HPGDS: variants seen among roughly 807,000 people sequenced by gnomAD.
HPGDS encodes the protein GST class-sigma.
Under a neutral mutation model 23.1 loss-of-function variants are expected in HPGDS, and 26 were observed. The observed-to-expected ratio is 1.13, with a 90% CI of 0.83 to 1.56. The LOEUF (loss-of-function observed/expected upper bound fraction) is 1.56. Ranked by LOEUF, HPGDS falls within the 40% of genes most tolerant of loss-of-function variation. The pLI, the probability that HPGDS is intolerant of heterozygous loss-of-function variation, is 0.00. For missense variants in HPGDS, 268 were observed against 236.4 expected (o/e 1.13, Z -0.88); for synonymous variants, 95 against 77.9 (o/e 1.22, Z -1.16).
intron 2 of HPGDS, among the ~76,000 whole-genome samples, chr4:94,326,474 C>A (rs184768155): frequency 1.6e-3 from 246 of 151,664 alleles, no homozygotes; most frequent in African/African-American, 5.8e-3. Context: ...TTCAGAAATT[C>A]TTCGCTTGAC....
intron 2 of HPGDS, among the ~76,000 whole-genome samples, chr4:94,320,812 G>T (rs1756492969): frequency 6.6e-6 from 1 of 152,138 alleles, no homozygotes; most frequent in African/African-American, 2.4e-5. Context: ...ATTGCTTTTG[G>T]TGTTTTAGTC....
In HPGDS at chr4:94,313,144, G is replaced by A. The variant is rs535701972; in HGVS notation, c.227-4401C>T. 3.4e-3 allele frequency among the ~76,000 whole-genome samples: 514 copies of A among 152,192 alleles called. 5 individuals carry two copies. The highest frequency in any genetic ancestry group is 0.012 in the African/African-American group (493 of 41,528). On this transcript the variant is annotated intron_variant, in intron 3 of 5. Transcript: ENST00000295256. Reference sequence around the variant, plus strand: ...AGCATTTAGGCCATTTACATTTAAGGTTAATATTGTTATGTGTGAATTTGA... The same window carrying A: ...AGCATTTAGGCCATTTACATTTAAGATTAATATTGTTATGTGTGAATTTGA...
chr4:94,339,932 C>G (rs1721103687), intron 1 of HPGDS, among the ~76,000 whole-genome samples: 1 of 152,086 alleles, frequency 6.6e-6, no homozygotes, highest in Non-Finnish European at 1.5e-5. Context: ...TCTGTCTTGC[C>G]TGCTGCCATG....
intron 4 of HPGDS, among the ~76,000 whole-genome samples, chr4:94,307,268 A>G (rs550452441): frequency 1.3e-5 from 2 of 152,050 alleles, no homozygotes; most frequent in Admixed American, 1.3e-4. Context: ...GTTCCACAAA[A>G]GCAAGGAAAG....
At chr4:94,303,251 C>T (rs2126034737) in intron 4 of HPGDS, among the ~76,000 whole-genome samples, 1 of 152,190 alleles carries the variant, frequency 6.6e-6, no homozygotes, top group Non-Finnish European at 1.5e-5. Flanking sequence ...GGTTGAGCCT[C>T]CCTAGTCCAA....
intron 1 of HPGDS, among the ~76,000 whole-genome samples, chr4:94,339,980 C>A (rs1223971907): frequency 6.6e-6 from 1 of 152,146 alleles, no homozygotes; most frequent in Non-Finnish European, 1.5e-5. Context: ...ATGGTGAGGT[C>A]TCCCCAGCCA....
intron 2 of HPGDS, among the ~76,000 whole-genome samples, chr4:94,323,986 C>T (rs370759027): frequency 3.9e-5 from 6 of 152,268 alleles, no homozygotes; most frequent in African/African-American, 1.4e-4. Context: ...ATTTGCTTCT[C>T]TGTGAAGGAT....
rs530441180 is a variant in HPGDS, at chr4:94,338,222, G to C, written c.-9-3584C>G. ...GCAGATCACTTGAGGTCAGGAGTTT[G>C]AGACCAGCCTGGCCAACATGGTGAA... On this transcript the variant is annotated intron_variant, in intron 1 of 5. Transcript: ENST00000295256. Among the ~76,000 whole-genome samples, 3 of 152,242 alleles carry C rather than the reference G, an allele frequency of 2.0e-5. No individual in the cohort carries two copies. In the South Asian group the frequency reaches 6.2e-4, roughly 32 times the overall value.
chr4:94,321,080 T>TTACC (rs1379739033), intron 2 of HPGDS, among the ~76,000 whole-genome samples: 1 of 152,084 alleles, frequency 6.6e-6, no homozygotes, highest in Non-Finnish European at 1.5e-5. Flanking sequence ...TGTAGATGTG[T>TTACC]GGTATTATTT....
At chr4:94,329,261 G>T (rs1413473535) in intron 2 of HPGDS, among the ~76,000 whole-genome samples, 2 of 152,128 alleles carry the variant, frequency 1.3e-5, no homozygotes, top group East Asian at 3.9e-4. Flanking sequence ...AAGGGATGAA[G>T]TTAAGAGGTT....
chr4:94,311,205 G>T (rs572620188), intron 3 of HPGDS, among the ~76,000 whole-genome samples: 1 of 152,146 alleles, frequency 6.6e-6, no homozygotes, highest in African/African-American at 2.4e-5. Context: ...GGGCATCCCT[G>T]TCTTGTGCCA....
Position 94,340,311 on chromosome 4 carries a change from C to CTTTCTTTCTTTTTCTTTTCTTTTTT in HPGDS, c.-10+2483_-10+2484insAAAAAAGAAAAGAAAAAGAAAGAAA. On this transcript the variant is annotated intron_variant, in intron 1 of 5. Transcript: ENST00000295256. Reference sequence around the variant, plus strand: ...TTTCTTTCTTTCTTTCTTTCTTTCTCTTTTTTTTTTTTTTTTTTTTTTTTT... The same window carrying CTTTCTTTCTTTTTCTTTTCTTTTTT: ...TTTCTTTCTTTCTTTCTTTCTTTCTCTTTCTTTCTTTTTCTTTTCTTTTTTTTTTTTTTTTTTTTTTTTTTTTTTT... Among the ~76,000 whole-genome samples the CTTTCTTTCTTTTTCTTTTCTTTTTT allele has an allele frequency of 8.4e-5, 2 of 23,678 alleles. 1 individual carries two copies. The highest frequency in any genetic ancestry group is 2.7e-3 in the East Asian group (2 of 732). 15.5% of individuals were successfully genotyped at this position (23,678 alleles called of 152,430 possible). A position where few individuals can be genotyped will look rare whatever the true frequency, so the allele number is the denominator to read the frequency against.
intron 2 of HPGDS, among the ~76,000 whole-genome samples, chr4:94,320,907 A>T (rs1390713061): frequency 1.3e-5 from 2 of 152,178 alleles, no homozygotes; most frequent in Admixed American, 6.5e-5. Flanking sequence ...TCTGACATTG[A>T]AGTCTTTAAT....
chr4:94,311,723 C>T (rs190290101), intron 3 of HPGDS, among the ~76,000 whole-genome samples: 1 of 151,418 alleles, frequency 6.6e-6, no homozygotes, highest in Non-Finnish European at 1.5e-5. Flanking sequence ...GTACCAGCTC[C>T]TCCTTGTATC....
At chr4:94,324,466 CTT>C (rs1436514431) in intron 2 of HPGDS, among the ~76,000 whole-genome samples, 1 of 152,092 alleles carries the variant, frequency 6.6e-6, no homozygotes, top group Non-Finnish European at 1.5e-5. Flanking sequence ...TCTTTTTACT[CTT>C]TTCTCTCTAA....
At chr4:94,320,910 T>A (rs1266804324) in intron 2 of HPGDS, among the ~76,000 whole-genome samples, 2 of 152,230 alleles carry the variant, frequency 1.3e-5, no homozygotes, top group Non-Finnish European at 2.9e-5. Flanking sequence ...GACATTGAAG[T>A]CTTTAATCCA....
chr4:94,324,249 C>A (rs1217679335), intron 2 of HPGDS, among the ~76,000 whole-genome samples: 1 of 152,048 alleles, frequency 6.6e-6, no homozygotes, highest in African/African-American at 2.4e-5. Context: ...TGGAGTTGTT[C>A]TTCTCAAGGA....
intron 3 of HPGDS, among the ~76,000 whole-genome samples, chr4:94,313,581 C>A (rs562687504): frequency 2.1e-3 from 318 of 152,304 alleles, no homozygotes; most frequent in African/African-American, 7.4e-3. Flanking sequence ...TTTTTTCCTT[C>A]ATTTCAACTT....
At chr4:94,340,036 C>T (rs1371135444) in intron 1 of HPGDS, among the ~76,000 whole-genome samples, 1 of 152,114 alleles carries the variant, frequency 6.6e-6, no homozygotes, top group Non-Finnish European at 1.5e-5. Flanking sequence ...ACTGAAATCT[C>T]CGCCTCCTGG....
Sources: gnomAD v4.1 joint callset for allele counts (sites outside exome capture counted in the v4.1 genomes callset) on GRCh38, gnomAD v4.1.1 for gene constraint, MANE v1.5 for transcripts, NCBI Gene and HGNC (gene_info 2026-07-23, HGNC 2026-07-21) for gene names.